The following MGAT5 variants were observed in gnomAD, a reference collection of about 807,000 sequenced individuals.
MGAT5 encodes the protein alpha-1,6-mannosylglycoprotein 6-beta-N-acetylglucosaminyltransferase A.
MGAT5 carries 30 observed loss-of-function variants against 94.3 expected under a neutral mutation model. The observed-to-expected ratio is 0.32, with a 90% confidence interval of 0.24 to 0.43. The LOEUF is 0.43. MGAT5 is among the 20% of genes least tolerant of loss of function. MGAT5 has a pLI of 1.00. For synonymous variants in MGAT5, 310 were observed against 322.9 expected (o/e 0.96, Z 0.43); for missense variants, 691 against 905.5 (o/e 0.76, Z 3.04).
In MGAT5 at chr2:134,280,429, C is replaced by T. The variant is rs187596791; in HGVS notation, c.406+9879C>T. Among the ~76,000 whole-genome samples the T allele has an allele frequency of 8.5e-5, 13 of 152,344 alleles. No homozygotes were observed. In the East Asian group the frequency reaches 2.3e-3, roughly 27 times the overall value. On this transcript the variant is annotated intron_variant, in intron 2 of 15. Coordinates refer to ENST00000281923, the MANE Select transcript of MGAT5 (RefSeq NM_002410.5). ...CGTGGACAGAGTCACCCGAGGACGA[C>T]ATGTCTGGGATTGACAGAGCATTAT...
chr2:134,323,965 G>A (rs2105923566), intron 4 of MGAT5, among the ~76,000 whole-genome samples: 1 of 152,228 alleles, frequency 6.6e-6, no homozygotes, highest in East Asian at 1.9e-4. Context: ...TACTCTGAAT[G>A]TCATTGTTTC....
chr2:134,232,082 A>ACTCCTCCTC (rs10674634), intron 1 of MGAT5, among the ~76,000 whole-genome samples: 7 of 149,874 alleles, frequency 4.7e-5, no homozygotes, highest in South Asian at 2.1e-4. Context: ...GTCATTCTAT[A>ACTCCTCCTC]CTCCTCCTCC....
intron 1 of MGAT5, among the ~76,000 whole-genome samples, chr2:134,158,765 A>G (rs1687594561): frequency 1.3e-5 from 2 of 152,136 alleles, no homozygotes; most frequent in Non-Finnish European, 2.9e-5. Context: ...CCCCACTGCC[A>G]TCACTACTAC....
chr2:134,173,343 C>A (rs1688311787), intron 1 of MGAT5, among the ~76,000 whole-genome samples: 1 of 152,160 alleles, frequency 6.6e-6, no homozygotes, highest in Non-Finnish European at 1.5e-5. Context: ...TCAAGGGTTG[C>A]CAGGTGGGGC....
chr2:134,329,072 T>C (rs1029680959), intron 4 of MGAT5, among the ~76,000 whole-genome samples: 5 of 146,608 alleles, frequency 3.4e-5, no homozygotes, highest in African/African-American at 1.4e-4. Flanking sequence ...GACATACTTA[T>C]ACTAAAACAA....
chr2:134,425,872 C>G (rs1684558773), intron 13 of MGAT5, among the ~76,000 whole-genome samples: 1 of 151,404 alleles, frequency 6.6e-6, no homozygotes, highest in Non-Finnish European at 1.5e-5. Context: ...TTCCTGTGGC[C>G]CTCGCCATAT....
intron 12 of MGAT5, among the ~76,000 whole-genome samples, chr2:134,420,819 T>C (rs928724629): frequency 1.3e-5 from 2 of 152,192 alleles, no homozygotes; most frequent in Non-Finnish European, 2.9e-5. Flanking sequence ...CTCTAACAAA[T>C]ATAAAGGAGA....
intron 8 of MGAT5, among the ~76,000 whole-genome samples, 156 bp downstream of exon 8, chr2:134,345,220 T>A (rs1688850798): frequency 6.6e-6 from 1 of 152,236 alleles, no homozygotes; most frequent in Admixed American, 6.5e-5. Context: ...AGTGACTTTG[T>A]ACTTTCTATG....
At chr2:134,195,356 A>G (rs1487782331) in intron 1 of MGAT5, among the ~76,000 whole-genome samples, 2 of 152,206 alleles carry the variant, frequency 1.3e-5, no homozygotes, top group African/African-American at 2.4e-5. Context: ...ACAAGGATTT[A>G]TCTTCTCAAA....
chr2:134,125,423 C>A (rs1223765124), intron 1 of MGAT5, among the ~76,000 whole-genome samples: 1 of 152,114 alleles, frequency 6.6e-6, no homozygotes, highest in Non-Finnish European at 1.5e-5. Context: ...CTAGCCAGCA[C>A]CTTCTTTCCA....
At chr2:134,126,715 A>G (rs1019506804) in intron 1 of MGAT5, among the ~76,000 whole-genome samples, 1 of 152,224 alleles carries the variant, frequency 6.6e-6, no homozygotes, top group Non-Finnish European at 1.5e-5. Flanking sequence ...TTCAAAGAGT[A>G]GAGAAGATGA....
chr2:134,342,366 C>T (rs1303322916), intron 7 of MGAT5, among the ~76,000 whole-genome samples: 1 of 152,138 alleles, frequency 6.6e-6, no homozygotes, highest in African/African-American at 2.4e-5. Context: ...AGGATTACTG[C>T]CCATGGAGAC....
chr2:134,369,903 A>G (rs12613306), intron 10 of MGAT5, among the ~76,000 whole-genome samples: 93,834 of 151,978 alleles, frequency 0.62, 31,797 homozygotes, highest in Non-Finnish European at 0.76. Context: ...ATAGGAGGTC[A>G]AGGAGCAGCC....
In MGAT5 at chr2:134,412,978, A is replaced by C; in HGVS notation, c.1640A>C (p.Asn547Thr). The part of the protein sequence containing the change: ...PKFNPPKSSK[N>T]TDFFIGKPTL... ...TTCAACCCACCCAAAAGCAGCAAAA[A>C]CACAGACTTTTTCATTGGCAAGCCA... The change falls in exon 12 of 16, where the codon AAC becomes ACC. Residue 547 changes from asparagine to threonine, a missense_variant. Around this residue, in one of 4 missense-constraint regions of MGAT5, gnomAD observed 260 missense variants for 347.0 expected, o/e 0.75. Transcript: ENST00000281923. 6.2e-7 allele frequency: 1 copy of C among 1,614,208 alleles called. No individual in the cohort carries two copies. The highest frequency in any genetic ancestry group is 8.5e-7 in the Non-Finnish European group (1 of 1,180,010).
intron 1 of MGAT5, among the ~76,000 whole-genome samples, chr2:134,257,836 CTT>C (rs10628858): frequency 0.027 from 2,855 of 106,414 alleles, 104 homozygotes; most frequent in African/African-American, 0.097. Flanking sequence ...TTTGCAGTCT[CTT>C]TTTTTTTTTT....
intron 2 of MGAT5, among the ~76,000 whole-genome samples, chr2:134,302,529 A>G (rs138977581): frequency 1.4e-4 from 21 of 152,248 alleles, no homozygotes; most frequent in African/African-American, 5.1e-4. Flanking sequence ...CCAAGTTACC[A>G]TCTAATGTCC....
intron 14 of MGAT5, 66 bp downstream of exon 14, chr2:134,428,505 C>G (rs1684710563): frequency 7.1e-7 from 1 of 1,417,848 alleles, no homozygotes; most frequent in Non-Finnish European, 9.9e-7. Flanking sequence ...ATAGGGCTCT[C>G]AAGAACATTT....
intron 4 of MGAT5, among the ~76,000 whole-genome samples, chr2:134,333,835 A>T (rs924597868): frequency 6.6e-6 from 1 of 152,190 alleles, no homozygotes; most frequent in Admixed American, 6.5e-5. Context: ...GTTATTGCCA[A>T]TGCTGGCTTT....
chr2:134,305,767 C>G (rs1467703870), intron 2 of MGAT5, among the ~76,000 whole-genome samples: 1 of 152,126 alleles, frequency 6.6e-6, no homozygotes, highest in Non-Finnish European at 1.5e-5. Context: ...GTGTAACACC[C>G]TTTCCTTCTT....
Sources: allele counts gnomAD v4.1 joint callset (sites outside exome capture counted in the v4.1 genomes callset), GRCh38; gene constraint gnomAD v4.1.1; regional missense constraint gnomAD v4.1.1; transcripts MANE v1.5; gene names NCBI Gene and HGNC (gene_info 2026-07-23, HGNC 2026-07-21).